The following RPS3 variants were observed in gnomAD, a reference collection of about 807,000 sequenced individuals.
RPS3 encodes the protein ribosomal protein S3.
RPS3 carries 2 observed loss-of-function variants against 25.8 expected under a neutral mutation model. That is an observed-to-expected ratio of 0.08 (90% CI 0.03 to 0.24). The LOEUF (loss-of-function observed/expected upper bound fraction) is 0.24, where lower values mean the gene tolerates loss of function less well. Ranked by LOEUF, RPS3 falls within the 10% of genes least tolerant of loss-of-function variation. The probability of loss-of-function intolerance (pLI) is 1.00; values close to 1 mark genes in which losing one functional copy is unlikely to be tolerated. For missense variants in RPS3, 107 were observed against 307.1 expected, an observed-to-expected ratio of 0.35 and a Z score of 4.87; for synonymous variants, 114 against 114.2, an observed-to-expected ratio of 1.00 and a Z score of 0.01.
Position 75,401,655 on chromosome 11 carries a change from T to C in RPS3, c.177T>C (p.Leu59=). 6.2e-7 allele frequency: 1 copy of C among 1,611,836 alleles called. No homozygotes were observed. The highest frequency in any genetic ancestry group is 8.5e-7 in the Non-Finnish European group (1 of 1,177,882). ...TCCCCCCCAGAACACAGAATGTTCTTGGTGAGAAGGGCCGGCGGATTCGGG... is the reference window on the plus strand; with the variant it reads ...TCCCCCCCAGAACACAGAATGTTCTCGGTGAGAAGGGCCGGCGGATTCGGG... The part of the protein sequence containing the change: ...IILATRTQNV[L]GEKGRRIREL... The change falls in exon 3 of 7, where the codon CTT becomes CTC. Residue 59 remains leucine (L), a synonymous_variant. Coordinates refer to ENST00000531188, the MANE Select transcript of RPS3 (RefSeq NM_001005.5).
intron 6 of RPS3, among the ~76,000 whole-genome samples, chr11:75,412,920 C>T (rs1465006232): frequency 1.3e-5 from 2 of 152,132 alleles, no homozygotes; most frequent in East Asian, 2.0e-4. Context: ...TGCAGGCAAA[C>T]GCCACCATAC....
Position 75,404,973 on chromosome 11 carries a change from A to G in RPS3, c.*3+105A>G. The G allele has an allele frequency of 1.3e-6, 1 of 757,636 alleles. No homozygotes were observed. Among genetic ancestry groups the G allele is most frequent in the Non-Finnish European group, 2.0e-6 (1 of 489,592 alleles). 46.9% of individuals were successfully genotyped at this position (757,636 alleles called of 1,614,324 possible). ...TCTGGTAAGCGTTTGGTGAATAAAA[A>G]TTTCATTTATTTGCTTTATGTGGGA... is the stretch of plus-strand genomic sequence containing the variant. On this transcript the variant is annotated intron_variant, in intron 6 of 6. Transcript: ENST00000531188. The surrounding 1 kb of genome is among the most constrained non-coding windows in gnomAD (Gnocchi z 4.6).
chr11:75,405,615 G>T lies in RPS3; in HGVS notation c.*5G>T, dbSNP rs1244823049. ...CTTTTGTGCTTTATTTGGTTTCAGG[G>T]TCTCCTTGGCAGCTGTATTCTGGAG... is the stretch of plus-strand genomic sequence containing the variant. On this transcript the variant is annotated splice_region_variant and 3_prime_UTR_variant, in exon 7 of 7. Transcript: ENST00000531188. The T allele has an allele frequency of 1.1e-5, 5 of 455,786 alleles. No individual in the cohort carries two copies. The Admixed American group carries it at 1.2e-4, about 11-fold the overall frequency. 28.2% of individuals were successfully genotyped at this position (455,786 alleles called of 1,614,324 possible).
rs1173253410 is a variant in RPS3 at position 75,399,972 on chromosome 11, C to T, written c.30+395C>T. ...TAACTGGTCGTTTCTGGGTACAGTCCGCTGGCCCCAGGACCTCAACTTGAA... is the reference window on the plus strand; with the variant it reads ...TAACTGGTCGTTTCTGGGTACAGTCTGCTGGCCCCAGGACCTCAACTTGAA... On this transcript the variant is annotated intron_variant, in intron 1 of 6. Coordinates refer to ENST00000531188, the MANE Select transcript of RPS3 (RefSeq NM_001005.5). The T allele has an allele frequency of 2.4e-5, 7 of 293,918 alleles. 1 individual carries two copies. In the South Asian group the frequency reaches 2.5e-4, roughly 10 times the overall value. The allele number at this position is 293,918 out of a possible 1,614,324, so 18.2% of individuals were successfully genotyped here.
chr11:75,399,522 T>G lies in RPS3; in HGVS notation c.-26T>G, dbSNP rs763765147. On this transcript the variant is annotated 5_prime_UTR_variant, in exon 1 of 7. Transcript: ENST00000531188. Reference sequence around the variant, plus strand: ...ACTTCCGCCCGCGAGCCACTTCCTTTCCTTTCAGCGGAGCGCGGCGGCAAG... The same window carrying G: ...ACTTCCGCCCGCGAGCCACTTCCTTGCCTTTCAGCGGAGCGCGGCGGCAAG... The G allele has an allele frequency of 6.2e-7, 1 of 1,613,702 alleles. No individual in the cohort carries two copies. Among genetic ancestry groups the G allele is most frequent in the African/African-American group, 1.3e-5 (1 of 74,884 alleles).
chr11:75,415,793 G>A (rs1431044183), intron 6 of RPS3, among the ~76,000 whole-genome samples: 6 of 139,572 alleles, frequency 4.3e-5, no homozygotes, highest in East Asian at 2.1e-4. Context: ...GCGGCAAAGC[G>A]AGACTCCATC....
intron 6 of RPS3, among the ~76,000 whole-genome samples, chr11:75,413,077 T>G (rs1244834724): frequency 6.6e-6 from 1 of 152,114 alleles, no homozygotes; most frequent in African/African-American, 2.4e-5. Context: ...CTGTCCTGTT[T>G]TTATTTCAAC....
rs1948275967 is a variant in RPS3, at chr11:75,405,618, T to G, written c.*8T>G. On this transcript the variant is annotated 3_prime_UTR_variant, in exon 7 of 7. Coordinates refer to ENST00000531188, the MANE Select transcript of RPS3 (RefSeq NM_001005.5). ...TTGTGCTTTATTTGGTTTCAGGGTCTCCTTGGCAGCTGTATTCTGGAGTCT... is the reference window on the plus strand; with the variant it reads ...TTGTGCTTTATTTGGTTTCAGGGTCGCCTTGGCAGCTGTATTCTGGAGTCT... 2.2e-6 allele frequency: 1 copy of G among 456,024 alleles called. No homozygotes were observed. The highest frequency in any genetic ancestry group is 2.4e-5 in the Admixed American group (1 of 42,548). 28.2% of individuals were successfully genotyped at this position (456,024 alleles called of 1,614,324 possible). A position where few individuals can be genotyped will look rare whatever the true frequency, so the allele number is the denominator to read the frequency against.
Position 75,404,987 on chromosome 11 carries a change from C to A in RPS3, c.*3+119C>A. ...GGTGAATAAAAATTTCATTTATTTG[C>A]TTTATGTGGGAGAATACAAGTTGAA... On this transcript the variant is annotated intron_variant, in intron 6 of 6. Transcript: ENST00000531188. This position sits in a 1 kb window ranked among gnomAD's most constrained non-coding sequence, Gnocchi z 4.6. 1.4e-6 allele frequency: 1 copy of A among 690,794 alleles called. No homozygotes were observed. The highest frequency in any genetic ancestry group is 2.3e-6 in the Non-Finnish European group (1 of 429,026). The allele number at this position is 690,794 out of a possible 1,614,324, so 42.8% of individuals were successfully genotyped here. A position where few individuals can be genotyped will look rare whatever the true frequency, so the allele number is the denominator to read the frequency against.
chr11:75,414,817 A>T (rs1236827826), intron 6 of RPS3, among the ~76,000 whole-genome samples: 1 of 152,118 alleles, frequency 6.6e-6, no homozygotes, highest in Non-Finnish European at 1.5e-5. Context: ...CAGGGATGAA[A>T]ACACCACCAT....
At chr11:75,410,662 C>T (rs1470292289), downstream of RPS3, among the ~76,000 whole-genome samples, 11 of 152,140 alleles carry the variant, frequency 7.2e-5, no homozygotes, top group African/African-American at 2.2e-4. Flanking sequence ...TGTAGCGAGC[C>T]GAGATCACGC....
Position 75,402,456 on chromosome 11 carries a change from C to G in RPS3, c.350+10C>G, listed in dbSNP as rs1948223526. The G allele has an allele frequency of 1.2e-6, 2 of 1,600,370 alleles. No homozygotes were observed. Among genetic ancestry groups the G allele is most frequent in the South Asian group, 2.2e-5 (2 of 90,628 alleles). On this transcript the variant is annotated intron_variant, in intron 4 of 6. Transcript: ENST00000531188. ...GGCTTGCTGTGCGGAGGTAAGTGTC[C>G]TGAGACCTAATGGTCATGACCTTTT...
intron 6 of RPS3, 141 bp from the exon 7 acceptor site, chr11:75,405,472 TA>T (rs1948273843): frequency 8.8e-6 from 3 of 340,570 alleles, no homozygotes; most frequent in Non-Finnish European, 1.7e-5. Context: ...TTTTTTTTTT[TA>T]TATGAAAAAG....
intron 1 of RPS3, chr11:75,399,960 C>T: frequency 6.3e-6 from 2 of 318,556 alleles, no homozygotes; most frequent in Non-Finnish European, 1.2e-5. Context: ...CTGGTCGTTT[C>T]TGGGTACAGT....
rs1216966501 is a variant in RPS3 at position 75,406,743 on chromosome 11, A to G, written c.*1133A>G. ...TGTGGATTCAACCAACTTTGGGTCA[A>G]AAATAATCAAAAAGGATGGTTGTGT... On this transcript the variant is annotated 3_prime_UTR_variant, in exon 7 of 7. Coordinates refer to ENST00000531188, the MANE Select transcript of RPS3 (RefSeq NM_001005.5). The G allele has an allele frequency of 1.3e-5, 2 of 152,250 alleles. No homozygotes were observed. Among genetic ancestry groups the G allele is most frequent in the Non-Finnish European group, 1.5e-5 (1 of 68,046 alleles). 9.4% of individuals were successfully genotyped at this position (152,250 alleles called of 1,614,324 possible).
At chr11:75,400,282 A>T in intron 1 of RPS3, 1 of 455,640 alleles carries the variant, frequency 2.2e-6, no homozygotes, top group Non-Finnish European at 4.4e-6. Context: ...TGTTAAGTCT[A>T]CTATCTATTC....
At chr11:75,420,861 G>A (rs564115668) in intron 6 of RPS3, among the ~76,000 whole-genome samples, 33 of 152,130 alleles carry the variant, frequency 2.2e-4, no homozygotes, top group African/African-American at 7.9e-4. Context: ...AGGTTATAAG[G>A]TGGGCCTGGG....
Position 75,404,116 on chromosome 11 carries a change from C to T in RPS3, c.447C>T (p.Ser149=). ...AACTCCGAGGACAGAGGGCTAAATC[C>T]ATGAAGTTTGTGGATGGCCTGATGA... ...SGKLRGQRAK[S]MKFVDGLMIH... is the part of the protein sequence containing the mutation. Residue 149 remains serine (S), a synonymous_variant, in exon 5 of 7, where the codon TCC becomes TCT. Coordinates refer to ENST00000531188, the MANE Select transcript of RPS3 (RefSeq NM_001005.5). This position sits in a 1 kb window ranked among gnomAD's most constrained non-coding sequence, Gnocchi z 4.6. 6.2e-7 allele frequency: 1 copy of T among 1,614,128 alleles called. No homozygotes were observed. Among genetic ancestry groups the T allele is most frequent in the Non-Finnish European group, 8.5e-7 (1 of 1,180,026 alleles).
chr11:75,408,284 C>G (rs1948308202), downstream of RPS3, among the ~76,000 whole-genome samples: 1 of 152,162 alleles, frequency 6.6e-6, no homozygotes, highest in Admixed American at 6.5e-5. Context: ...AGGTGGATCA[C>G]TTGAGCCCAG....
Sources: gnomAD v4.1 joint callset for allele counts (sites outside exome capture counted in the v4.1 genomes callset) on GRCh38, gnomAD v4.1.1 for gene constraint, Gnocchi (gnomAD v3.1) non-coding constraint, MANE v1.5 for transcripts, NCBI Gene and HGNC (gene_info 2026-07-23, HGNC 2026-07-21) for gene names.